NEMP2: variants seen among roughly 807,000 people sequenced by gnomAD.
NEMP2 encodes the protein nuclear envelope integral membrane protein 2.
NEMP2 carries 53 observed loss-of-function variants against 54.2 expected under a neutral mutation model. The observed-to-expected ratio is 0.98, with a 90% CI of 0.78 to 1.23. NEMP2 has a LOEUF of 1.23. Ranked by LOEUF, NEMP2 falls within the 50% of genes most tolerant of loss-of-function variation. The pLI is 0.00. For synonymous variants in NEMP2, 197 were observed against 190.3 expected (o/e 1.04, Z -0.29); for missense variants, 455 against 511.3 (o/e 0.89, Z 1.06).
Position 190,509,934 on chromosome 2 carries a change from A to C in NEMP2, c.1130+427T>G, listed in dbSNP as rs749343118. On this transcript the variant is annotated intron_variant, in intron 8 of 8. Transcript: ENST00000409150. This position sits in a 1 kb window ranked among gnomAD's most constrained non-coding sequence, Gnocchi z 6.1. ...CCGCGCCTTGTAATCCCAGCTACTC[A>C]AGTGGCTGAGGCAGGAGAATTGCTT... Among the ~76,000 whole-genome samples, 1 of 152,194 alleles carries C rather than the reference A, an allele frequency of 6.6e-6. No individual in the cohort carries two copies. The highest frequency in any genetic ancestry group is 2.1e-4 in the South Asian group (1 of 4,834).
the NEMP2 span, chr2:190,437,198 G>C: frequency 6.2e-6 from 10 of 1,614,150 alleles, no homozygotes; most frequent in South Asian, 1.1e-4. This position sits in a 1 kb window ranked among gnomAD's most constrained non-coding sequence, Gnocchi z 5.9. Flanking sequence ...ACTCAGTTCC[G>C]GTTCCGCTAC....
At chr2:190,648,326 G>C in the NEMP2 span, 1 of 152,258 alleles carries the variant, frequency 6.6e-6, no homozygotes, top group Admixed American at 6.5e-5. Flanking sequence ...GGGGCAAGAT[G>C]GGCGAGGCAG....
chr2:190,579,391 TA>T, the NEMP2 span, among the ~76,000 whole-genome samples: 42,001 of 151,478 alleles, frequency 0.28, 6,547 homozygotes, highest in Admixed American at 0.45. Context: ...CATATTATTC[TA>T]CATATTCAAG....
At chr2:190,566,876 C>T in the NEMP2 span, among the ~76,000 whole-genome samples, 5 of 151,896 alleles carry the variant, frequency 3.3e-5, no homozygotes, top group African/African-American at 1.2e-4. Flanking sequence ...AAGTGAAACC[C>T]ATCACTCTAC....
the NEMP2 span, among the ~76,000 whole-genome samples, chr2:190,622,867 G>C: frequency 1.3e-5 from 2 of 151,786 alleles, no homozygotes; most frequent in Non-Finnish European, 2.9e-5. Context: ...AAAAAATAAA[G>C]AATATCCAAA....
the NEMP2 span, among the ~76,000 whole-genome samples, chr2:190,483,821 G>A: frequency 3.2e-5 from 4 of 125,868 alleles, no homozygotes; most frequent in African/African-American, 5.9e-5. Context: ...GGCAACAAGA[G>A]TGAAACTCAT....
At chr2:190,518,020 T>C (rs1170308059) in intron 4 of NEMP2, among the ~76,000 whole-genome samples, 2 of 152,198 alleles carry the variant, frequency 1.3e-5, no homozygotes, top group Non-Finnish European at 2.9e-5. Context: ...TTATTCTTCA[T>C]GCTATGTATG....
At chr2:190,488,418 T>C in the NEMP2 span, among the ~76,000 whole-genome samples, 1 of 152,178 alleles carries the variant, frequency 6.6e-6, no homozygotes, top group Non-Finnish European at 1.5e-5. The surrounding 1 kb of genome is among the most constrained non-coding windows in gnomAD (Gnocchi z 6.4). Flanking sequence ...GTACAGAATT[T>C]TTGTTGTGGT....
chr2:190,452,525 A>G, the NEMP2 span, among the ~76,000 whole-genome samples: 2 of 152,190 alleles, frequency 1.3e-5, no homozygotes, highest in African/African-American at 4.8e-5. Flanking sequence ...CACAGCCAGT[A>G]AATAATGAAC....
chr2:190,487,762 G>C, the NEMP2 span, among the ~76,000 whole-genome samples: 13 of 152,332 alleles, frequency 8.5e-5, no homozygotes, highest in African/African-American at 3.1e-4. The surrounding 1 kb of genome is among the most constrained non-coding windows in gnomAD (Gnocchi z 5.5). Flanking sequence ...CAAGGAGGTG[G>C]AGAAATTGGA....
the NEMP2 span, chr2:190,608,114 C>G: frequency 6.6e-6 from 1 of 152,126 alleles, no homozygotes; most frequent in Non-Finnish European, 1.5e-5. The surrounding 1 kb of genome is among the most constrained non-coding windows in gnomAD (Gnocchi z 4.9). Flanking sequence ...GTGAATCATC[C>G]CTTTGTCCCC....
chr2:190,434,880 G>C, the NEMP2 span, among the ~76,000 whole-genome samples: 1 of 152,194 alleles, frequency 6.6e-6, no homozygotes, highest in Non-Finnish European at 1.5e-5. The surrounding 1 kb of genome is among the most constrained non-coding windows in gnomAD (Gnocchi z 4.3). Context: ...TGCACAGCAA[G>C]AGCGGGCCAG....
the NEMP2 span, among the ~76,000 whole-genome samples, chr2:190,445,800 A>G: frequency 1.5e-5 from 2 of 135,574 alleles, no homozygotes; most frequent in African/African-American, 5.3e-5. Context: ...TCAGATTCAT[A>G]ACGTGGTAAT....
the NEMP2 span, among the ~76,000 whole-genome samples, chr2:190,647,141 C>G: frequency 6.6e-6 from 1 of 152,124 alleles, no homozygotes; most frequent in Non-Finnish European, 1.5e-5. Context: ...AGAGAAACTT[C>G]CAGCAGTGAT....
At chr2:190,449,515 A>T in the NEMP2 span, among the ~76,000 whole-genome samples, 1 of 152,180 alleles carries the variant, frequency 6.6e-6, no homozygotes, top group Non-Finnish European at 1.5e-5. Flanking sequence ...AACAACTTTG[A>T]TTTGAATAGT....
the NEMP2 span, among the ~76,000 whole-genome samples, chr2:190,458,935 G>C: frequency 6.6e-6 from 1 of 152,212 alleles, no homozygotes; most frequent in Admixed American, 6.5e-5. The surrounding 1 kb of genome is among the most constrained non-coding windows in gnomAD (Gnocchi z 5.3). Flanking sequence ...GCTGAGAACA[G>C]AGAATCATGC....
the NEMP2 span, among the ~76,000 whole-genome samples, chr2:190,599,904 C>T: frequency 2.0e-5 from 3 of 152,122 alleles, no homozygotes; most frequent in Non-Finnish European, 4.4e-5. Context: ...CCTGGGAGGA[C>T]TATCCTTGGC....
the NEMP2 span, among the ~76,000 whole-genome samples, chr2:190,556,357 C>T: frequency 6.6e-6 from 1 of 152,140 alleles, no homozygotes; most frequent in African/African-American, 2.4e-5. Flanking sequence ...TTATGACAAA[C>T]CCACAGCCAA....
chr2:190,581,597 ATTTCT>A, the NEMP2 span, among the ~76,000 whole-genome samples: 1 of 152,172 alleles, frequency 6.6e-6, no homozygotes, highest in South Asian at 2.1e-4. Context: ...TACAAATTAT[ATTTCT>A]TTTCTTATGT....
Sources: allele counts gnomAD v4.1 joint callset (sites outside exome capture counted in the v4.1 genomes callset), GRCh38; gene constraint gnomAD v4.1.1; non-coding constraint Gnocchi (gnomAD v3.1); transcripts MANE v1.5; gene names NCBI Gene and HGNC (gene_info 2026-07-23, HGNC 2026-07-21).